ERO1A: variants seen among roughly 807,000 people sequenced by gnomAD.
ERO1A encodes the protein ERO1-like protein alpha.
ERO1A carries 49 observed loss-of-function variants against 76.9 expected under a neutral mutation model. That is an observed-to-expected ratio of 0.64 (90% CI 0.51 to 0.81). The LOEUF is 0.81. Among genes scored for constraint, ERO1A ranks in the 30% least tolerant of loss-of-function variants. The pLI, the probability that ERO1A is intolerant of heterozygous loss-of-function variation, is 0.00. For missense variants in ERO1A, 448 were observed against 542.1 expected (o/e 0.83, Z 1.72); for synonymous variants, 174 against 181.2 (o/e 0.96, Z 0.32).
At chr14:52,674,349 C>T (rs1314767406) in intron 4 of ERO1A, among the ~76,000 whole-genome samples, 1 of 152,112 alleles carries the variant, frequency 6.6e-6, no homozygotes, top group Admixed American at 6.6e-5. Flanking sequence ...TGCACCACCA[C>T]ACTTGGCTAA....
Position 52,643,606 on chromosome 14 carries a change from T to C in ERO1A, c.1371A>G (p.Leu457=), listed in dbSNP as rs1440931116. The C allele has an allele frequency of 2.7e-6, 4 of 1,487,504 alleles. No individual in the cohort carries two copies. The highest frequency in any genetic ancestry group is 3.6e-6 in the Non-Finnish European group (4 of 1,124,452). The allele number at this position is 1,487,504 out of a possible 1,614,324, so 92.1% of individuals were successfully genotyped here. The change falls in exon 16 of 16, where the codon TTA becomes TTG. Residue 457 remains leucine, a synonymous_variant. Transcript: ENST00000395686. ...TCTGTAACAAGTTCCTGAAGTTTTC[T>C]AATTCTTTCACACTTGTAGAAATTC... ...FGRISTSVKE[L]ENFRNLLQNI...
chr14:52,677,978 T>C (rs1566644594), intron 4 of ERO1A, among the ~76,000 whole-genome samples: 1 of 151,232 alleles, frequency 6.6e-6, no homozygotes, highest in Non-Finnish European at 1.5e-5. Flanking sequence ...AATAAAATGC[T>C]AAACAGGCCG....
In ERO1A at chr14:52,683,912, T is replaced by C; in HGVS notation, c.115-5A>G. ...ATCATCCAAGTAACCACTAACCTGT[T>C]ACAAAGAAAATGAAATATTAAATTG... On this transcript the variant is annotated splice_polypyrimidine_tract_variant and splice_region_variant and intron_variant, in intron 1 of 15. Coordinates refer to ENST00000395686, the MANE Select transcript of ERO1A (RefSeq NM_014584.3). 1.3e-6 allele frequency: 2 copies of C among 1,558,684 alleles called. No individual in the cohort carries two copies. The highest frequency in any genetic ancestry group is 1.7e-6 in the Non-Finnish European group (2 of 1,155,830).
chr14:52,680,082 C>CAAAAAAAAAAAAAAAAAAAAAAAAAAAAA (rs35358193), intron 3 of ERO1A, among the ~76,000 whole-genome samples: 5 of 90,934 alleles, frequency 5.5e-5, no homozygotes, highest in Non-Finnish European at 4.4e-5. Flanking sequence ...AAAACACAAA[C>CAAAAAAAAAAAAAAAAAAAAAAAAAAAAA]AAAAAAAAAA....
chr14:52,678,287 C>A, intron 4 of ERO1A, 147 bp downstream of exon 4: 1 of 529,280 alleles, frequency 1.9e-6, no homozygotes, highest in Non-Finnish European at 3.4e-6. Flanking sequence ...TAAACAAAAA[C>A]AAACAGAAAG....
chr14:52,649,758 G>A (rs2039790259), intron 13 of ERO1A, among the ~76,000 whole-genome samples: 1 of 152,096 alleles, frequency 6.6e-6, no homozygotes, highest in Non-Finnish European at 1.5e-5. Context: ...GATTATATAA[G>A]CACTGAGGTA....
chr14:52,689,782 A>C (rs1377567985), intron 1 of ERO1A, among the ~76,000 whole-genome samples: 1 of 152,204 alleles, frequency 6.6e-6, no homozygotes, highest in Non-Finnish European at 1.5e-5. Flanking sequence ...ATAGAAAAAA[A>C]AATTGTAAAA....
chr14:52,664,400 G>T (rs1456832843), intron 7 of ERO1A, among the ~76,000 whole-genome samples: 2 of 152,070 alleles, frequency 1.3e-5, no homozygotes, highest in African/African-American at 4.8e-5. Flanking sequence ...GAGTTACTAT[G>T]TCATTAAAGT....
At position 52,666,462 on chromosome 14, in the gene ERO1A, A is replaced by G; in HGVS notation, c.542T>C (p.Leu181Ser). The stretch of plus-strand genomic sequence containing the variant: ...AGTGTAGCGCTCAGGATTAAGAAGC[A>G]AATCTACATATTCAGCTTCAGGGGA... ...IQSPEAEYVD[L>S]LLNPERYTGY... The change falls in exon 7 of 16, where the codon TTG becomes TCG. Residue 181 changes from leucine (L) to serine (S), a missense_variant. Leu to Ser is a moderately radical substitution (Grantham distance 145). This residue lies in a region of ERO1A where 302 missense variants were observed against 411.9 expected (regional missense o/e 0.73). Coordinates refer to ENST00000395686, the MANE Select transcript of ERO1A (RefSeq NM_014584.3). The G allele has an allele frequency of 6.2e-7, 1 of 1,610,032 alleles. No individual in the cohort carries two copies.
chr14:52,693,048 G>T (rs1348889824), intron 1 of ERO1A, among the ~76,000 whole-genome samples: 4 of 107,300 alleles, frequency 3.7e-5, no homozygotes, highest in Non-Finnish European at 3.5e-5. Context: ...CTCAAATCAT[G>T]AAATAAGTAG....
intron 7 of ERO1A, 34 bp from the exon 8 acceptor site, chr14:52,663,881 A>G: frequency 8.3e-7 from 1 of 1,205,898 alleles, no homozygotes. Context: ...TATCAACACA[A>G]ATATGTTACC....
At chr14:52,667,520 A>C (rs549529293) in intron 6 of ERO1A, among the ~76,000 whole-genome samples, 1 of 152,148 alleles carries the variant, frequency 6.6e-6, no homozygotes, top group Admixed American at 6.6e-5. Context: ...GAGTGATTCT[A>C]AAATTCACAG....
chr14:52,661,359 A>G (rs1011245518), intron 8 of ERO1A, 55 bp from the exon 9 acceptor site: 3 of 1,367,560 alleles, frequency 2.2e-6, no homozygotes, highest in Non-Finnish European at 2.9e-6. Context: ...TGCCCCTTTT[A>G]TAATGCTACA....
chr14:52,693,852 G>A (rs941153337), intron 1 of ERO1A, among the ~76,000 whole-genome samples: 4 of 151,984 alleles, frequency 2.6e-5, no homozygotes, highest in Non-Finnish European at 5.9e-5. Flanking sequence ...AGCCACTCTC[G>A]TTCTAAAAGA....
At chr14:52,687,396 C>A (rs976666652) in intron 1 of ERO1A, among the ~76,000 whole-genome samples, 1 of 152,186 alleles carries the variant, frequency 6.6e-6, no homozygotes, top group Non-Finnish European at 1.5e-5. Flanking sequence ...CACCACTGCA[C>A]TCCAGCCTGG....
chr14:52,660,993 G>T (rs2040213240), intron 9 of ERO1A, among the ~76,000 whole-genome samples: 1 of 152,144 alleles, frequency 6.6e-6, no homozygotes, highest in African/African-American at 2.4e-5. Flanking sequence ...AAAGAGAGAG[G>T]ACATTTCCCT....
rs572160851 is a variant in ERO1A, at chr14:52,642,874, G to A, written c.*696C>T. ...TAGAAATCTCCTGTGCCTTTGAGTT[G>A]TTATTGTACGTTTCTACACACAAAA... On this transcript the variant is annotated 3_prime_UTR_variant, in exon 16 of 16. Transcript: ENST00000395686. The A allele has an allele frequency of 2.6e-5, 4 of 152,568 alleles. No individual in the cohort carries two copies. Among genetic ancestry groups the A allele is most frequent in the South Asian group, 2.1e-4 (1 of 4,826 alleles). The allele number at this position is 152,568 out of a possible 1,614,324, so 9.5% of individuals were successfully genotyped here.
chr14:52,654,294 T>C (rs2039972737), intron 11 of ERO1A, among the ~76,000 whole-genome samples: 1 of 152,158 alleles, frequency 6.6e-6, no homozygotes, highest in African/African-American at 2.4e-5. Context: ...GAATGATTTT[T>C]ATAAAATATA....
At chr14:52,659,935 G>C (rs2040178709) in intron 9 of ERO1A, among the ~76,000 whole-genome samples, 1 of 151,974 alleles carries the variant, frequency 6.6e-6, no homozygotes, top group Admixed American at 6.6e-5. Flanking sequence ...CCAAGCTCAA[G>C]TGATCCTCCC....
Sources: gnomAD v4.1 joint callset for allele counts (sites outside exome capture counted in the v4.1 genomes callset) on GRCh38, gnomAD v4.1.1 for gene constraint, gnomAD v4.1.1 regional missense constraint, MANE v1.5 for transcripts, NCBI Gene and HGNC (gene_info 2026-07-23, HGNC 2026-07-21) for gene names.